Variants in PPP1R37 observed in about 807,000 individuals in gnomAD.
PPP1R37 encodes the protein protein phosphatase 1 regulatory subunit 37.
PPP1R37 carries 21 observed loss-of-function variants against 61.0 expected under a neutral mutation model. The ratio of observed to expected loss-of-function variants is 0.34; its 90% CI spans 0.24 to 0.50. The LOEUF (loss-of-function observed/expected upper bound fraction) is 0.50, where lower values mean the gene tolerates loss of function less well. Ranked by LOEUF, PPP1R37 falls within the 20% of genes least tolerant of loss-of-function variation. The pLI is 0.98. For synonymous variants in PPP1R37, 443 were observed against 433.5 expected (o/e 1.02, Z -0.27); for missense variants, 910 against 952.7 (o/e 0.96, Z 0.59).
intron 2 of PPP1R37, among the ~76,000 whole-genome samples, chr19:45,139,309 T>G (rs547183066): frequency 6.6e-6 from 1 of 152,272 alleles, no homozygotes; most frequent in African/African-American, 2.4e-5. Flanking sequence ...ATCCACCTCT[T>G]ATCTCTTGCC....
intron 1 of PPP1R37, among the ~76,000 whole-genome samples, chr19:45,133,317 CAG>C: frequency 6.6e-6 from 1 of 152,328 alleles, no homozygotes; most frequent in South Asian, 2.1e-4. Context: ...CTCCTGGCCT[CAG>C]ATGATCTGCC....
At chr19:45,119,996 A>G (rs1178816707) in intron 1 of PPP1R37, among the ~76,000 whole-genome samples, 1 of 133,568 alleles carries the variant, frequency 7.5e-6, no homozygotes. Context: ...AGGAGCACAG[A>G]TTTTTTATTT....
chr19:45,133,330 C>A (rs1968501345), intron 1 of PPP1R37, among the ~76,000 whole-genome samples: 1 of 152,066 alleles, frequency 6.6e-6, no homozygotes, highest in South Asian at 2.1e-4. Flanking sequence ...ATGATCTGCC[C>A]TCCTCAGCCT....
chr19:45,142,588 G>C, intron 7 of PPP1R37, 130 bp downstream of exon 7: 4 of 975,550 alleles, frequency 4.1e-6, no homozygotes, highest in Non-Finnish European at 6.0e-6. Context: ...GGGCTCCCAG[G>C]AGGAAGACAG....
intron 1 of PPP1R37, among the ~76,000 whole-genome samples, chr19:45,118,216 A>T (rs1183842443): frequency 6.6e-6 from 1 of 152,126 alleles, no homozygotes; most frequent in Non-Finnish European, 1.5e-5. Flanking sequence ...CGCTGTCCCC[A>T]TGAGTGCCCA....
At chr19:45,105,602 A>T (rs189017801) in intron 1 of PPP1R37, among the ~76,000 whole-genome samples, 1 of 152,194 alleles carries the variant, frequency 6.6e-6, no homozygotes, top group Non-Finnish European at 1.5e-5. Context: ...GTCAGGGGCG[A>T]CCGGCCACCC....
At chr19:45,099,178 T>C (rs1330476177) in intron 1 of PPP1R37, among the ~76,000 whole-genome samples, 1 of 152,150 alleles carries the variant, frequency 6.6e-6, no homozygotes, top group Non-Finnish European at 1.5e-5. Flanking sequence ...TGTACTCCTC[T>C]TTCCCCTATA....
intron 2 of PPP1R37, 103 bp from the exon 3 acceptor site, chr19:45,140,133 C>T: frequency 1.9e-6 from 2 of 1,041,874 alleles, no homozygotes; most frequent in Non-Finnish European, 1.4e-6. Context: ...GCCCAAACCC[C>T]ACCCCAGAAC....
intron 1 of PPP1R37, 115 bp from the exon 2 acceptor site, chr19:45,138,399 T>C (rs1286795757): frequency 1.8e-5 from 12 of 684,528 alleles, no homozygotes; most frequent in Non-Finnish European, 2.5e-5. Context: ...AGCCTGTTGT[T>C]GGGGGAGGGC....
In PPP1R37 at chr19:45,142,574, G is replaced by T. The variant is rs1305743826; in HGVS notation, c.874+116G>T. The T allele has an allele frequency of 5.5e-6, 6 of 1,099,756 alleles. No homozygotes were observed. The East Asian group carries it at 1.6e-4, about 28-fold the overall frequency. 68.1% of individuals were successfully genotyped at this position (1,099,756 alleles called of 1,614,324 possible). ...GCCAAGACCACCCCAACGCTGTCCT[G>T]CTGGGGCTCCCAGGAGGAAGACAGA... On this transcript the variant is annotated intron_variant, in intron 7 of 12. Coordinates refer to ENST00000221462, the MANE Select transcript of PPP1R37 (RefSeq NM_019121.2).
chr19:45,142,328 C>G lies in PPP1R37; in HGVS notation c.744C>G (p.Asn248Lys). The change falls in exon 7 of 13, where the codon AAC (asparagine) becomes AAG (lysine). Residue 248 changes from asparagine (N) to lysine (K), a missense_variant. Coordinates refer to ENST00000221462, the MANE Select transcript of PPP1R37 (RefSeq NM_019121.2). Reference protein sequence around the residue: ...LLATALKMNMNLRELYLADNK... With the variant: ...LLATALKMNMKLRELYLADNK... ...CCACGGCCCTGAAGATGAACATGAA[C>G]CTGCGGGAGCTGTACCTGGCGGACA... 1 of 1,536,066 alleles carries G rather than the reference C, an allele frequency of 6.5e-7. No homozygotes were observed. The highest frequency in any genetic ancestry group is 8.7e-7 in the Non-Finnish European group (1 of 1,146,888).
Position 45,141,163 on chromosome 19 carries a change from G to A in PPP1R37, c.448-159G>A, listed in dbSNP as rs150876607. 4.4e-4 allele frequency among the ~76,000 whole-genome samples: 67 copies of A among 152,196 alleles called. No homozygotes were observed. In the East Asian group the frequency reaches 0.011, roughly 25 times the overall value. ...GCAGAGAAGGAAAGGGTTTGTCCCC[G>A]TGGCTCACGGGGCCCTGTCTGTGCT... On this transcript the variant is annotated intron_variant, in intron 4 of 12. Coordinates refer to ENST00000221462, the MANE Select transcript of PPP1R37 (RefSeq NM_019121.2).
intron 1 of PPP1R37, among the ~76,000 whole-genome samples, chr19:45,093,940 G>A (rs971252134): frequency 6.6e-6 from 1 of 152,198 alleles, no homozygotes; most frequent in African/African-American, 2.4e-5. Context: ...GGTCTATGGG[G>A]GTAAAAAGAG....
intron 7 of PPP1R37, chr19:45,142,732 A>G (rs891191109): frequency 6.1e-6 from 3 of 488,344 alleles, no homozygotes; most frequent in African/African-American, 5.8e-5. Flanking sequence ...CCGCAGGATG[A>G]GGCGAAGTGA....
At chr19:45,144,121 G>T (rs1386988456) in intron 8 of PPP1R37, 1 of 152,536 alleles carries the variant, frequency 6.6e-6, no homozygotes, top group Non-Finnish European at 1.5e-5. Flanking sequence ...TCACACCATT[G>T]TCCTGCCTCA....
At chr19:45,127,460 T>G (rs1432479542) in intron 1 of PPP1R37, among the ~76,000 whole-genome samples, 1 of 151,682 alleles carries the variant, frequency 6.6e-6, no homozygotes, top group Non-Finnish European at 1.5e-5. Context: ...AGCATGTGGC[T>G]GTGCTGAGTA....
chr19:45,096,462 G>T (rs75578411), intron 1 of PPP1R37, among the ~76,000 whole-genome samples: 1,598 of 152,300 alleles, frequency 0.01, 93 homozygotes, highest in East Asian at 0.1. Flanking sequence ...TTACCATGGG[G>T]TAGTTGTGAA....
At chr19:45,122,156 C>T (rs1032083801) in intron 1 of PPP1R37, among the ~76,000 whole-genome samples, 5 of 152,174 alleles carry the variant, frequency 3.3e-5, no homozygotes, top group African/African-American at 7.2e-5. Flanking sequence ...GAGCAGAGGA[C>T]GGAACTGGAC....
At chr19:45,120,343 C>T (rs1968326785) in intron 1 of PPP1R37, among the ~76,000 whole-genome samples, 1 of 152,118 alleles carries the variant, frequency 6.6e-6, no homozygotes, top group Admixed American at 6.5e-5. Flanking sequence ...TAAAGGGTAG[C>T]ATTCATGAGC....
Sources: allele counts gnomAD v4.1 joint callset (sites outside exome capture counted in the v4.1 genomes callset), GRCh38; gene constraint gnomAD v4.1.1; transcripts MANE v1.5; gene names NCBI Gene and HGNC (gene_info 2026-07-23, HGNC 2026-07-21).